The following VWA3B variants were observed in gnomAD, a reference collection of about 807,000 sequenced individuals.
The protein encoded by VWA3B is von Willebrand factor A domain containing 3B, also known as von Willebrand factor A domain-containing protein 3B.
In VWA3B, 138 loss-of-function variants were observed where a neutral mutation model predicts 158.3. That is an observed-to-expected ratio of 0.87 (90% CI 0.76 to 1.00). The LOEUF (loss-of-function observed/expected upper bound fraction) is 1.00. Ranked by LOEUF, VWA3B falls within the 50% of genes least tolerant of loss-of-function variation. The probability of loss-of-function intolerance (pLI) is 0.00; values close to 1 mark genes in which losing one functional copy is unlikely to be tolerated. For missense variants in VWA3B, 1,555 were observed against 1,565.1 expected, an observed-to-expected ratio of 0.99 and a Z score of 0.11; for synonymous variants, 596 against 587.3, an observed-to-expected ratio of 1.01 and a Z score of -0.21.
chr2:98,294,399 C>G (rs1228157964), intron 23 of VWA3B, among the ~76,000 whole-genome samples: 1 of 152,190 alleles, frequency 6.6e-6, no homozygotes, highest in Non-Finnish European at 1.5e-5. Flanking sequence ...GCGTCCACTA[C>G]ATGAGGCCAG....
chr2:98,187,937 A>G, intron 9 of VWA3B, 38 bp from the exon 10 acceptor site: 1 of 1,543,152 alleles, frequency 6.5e-7, no homozygotes, highest in Non-Finnish European at 8.7e-7. Context: ...CTCTTTGGAC[A>G]GTTTCTGAGT....
chr2:98,254,509 A>G (rs1169995772), intron 20 of VWA3B, among the ~76,000 whole-genome samples: 1 of 152,224 alleles, frequency 6.6e-6, no homozygotes, highest in Non-Finnish European at 1.5e-5. Context: ...ATGATTCAAG[A>G]AAGCCAATTT....
chr2:98,281,213 T>C (rs1051585748), intron 22 of VWA3B, among the ~76,000 whole-genome samples: 5 of 151,918 alleles, frequency 3.3e-5, no homozygotes, highest in Admixed American at 3.3e-4. Context: ...GGGGAGAGAG[T>C]GAGTTCCCAA....
chr2:98,196,258 G>C (rs913309999), intron 12 of VWA3B, among the ~76,000 whole-genome samples: 2 of 152,110 alleles, frequency 1.3e-5, no homozygotes, highest in African/African-American at 2.4e-5. Context: ...ATTGTCAAGA[G>C]AGTAAATTTT....
chr2:98,193,032 T>C lies in VWA3B; in HGVS notation c.1601T>C (p.Ile534Thr), dbSNP rs1558658035. ...GTGAAGGACAAGATCATTCAGTTCA[T>C]ACAGGTTAGATGGAACTGTCGGTTC... ...DLVKDKIIQF[I>T]QEQLKYKSKF... Residue 534 changes from isoleucine (I) to threonine (T), a missense_variant, in exon 11 of 28, where the codon ATA becomes ACA. By Grantham distance (89) the Ile-to-Thr change is moderately conservative. Coordinates refer to ENST00000477737, the MANE Select transcript of VWA3B (RefSeq NM_144992.5). The C allele has an allele frequency of 2.5e-6, 4 of 1,612,176 alleles. No homozygotes were observed. Among genetic ancestry groups the C allele is most frequent in the Non-Finnish European group, 3.4e-6 (4 of 1,178,968 alleles).
At chr2:98,134,180 G>A (rs1429640767) in intron 7 of VWA3B, among the ~76,000 whole-genome samples, 1 of 152,238 alleles carries the variant, frequency 6.6e-6, no homozygotes, top group African/African-American at 2.4e-5. Flanking sequence ...TTGAGAACCT[G>A]CTGGAGATGT....
chr2:98,232,117 C>T (rs899321263), intron 16 of VWA3B, among the ~76,000 whole-genome samples: 22 of 152,062 alleles, frequency 1.4e-4, no homozygotes, highest in Admixed American at 8.5e-4. Context: ...CCATTTCGGC[C>T]TAGGGATTTC....
chr2:98,304,745 C>G (rs1178174254), intron 26 of VWA3B, among the ~76,000 whole-genome samples: 3 of 152,140 alleles, frequency 2.0e-5, no homozygotes, highest in African/African-American at 7.2e-5. Context: ...ATTCTTCTCA[C>G]CTCTCTCCTT....
chr2:98,106,467 G>T (rs1162211686), intron 2 of VWA3B, among the ~76,000 whole-genome samples: 1 of 152,116 alleles, frequency 6.6e-6, no homozygotes, highest in Non-Finnish European at 1.5e-5. Context: ...AATTAAAGGA[G>T]AATTGACATC....
intron 7 of VWA3B, 151 bp from the exon 8 acceptor site, chr2:98,162,700 T>C (rs913925619): frequency 3.5e-5 from 39 of 1,121,630 alleles, no homozygotes; most frequent in Non-Finnish European, 4.4e-5. Flanking sequence ...ATTTCAGTTC[T>C]GATTCTCAGA....
At chr2:98,272,618 G>A (rs1164485357) in intron 22 of VWA3B, among the ~76,000 whole-genome samples, 2 of 152,078 alleles carry the variant, frequency 1.3e-5, no homozygotes, top group Admixed American at 6.5e-5. Context: ...TGGTCTTTCC[G>A]GTGACCAGCC....
At chr2:98,306,940 C>T (rs1053456709) in intron 26 of VWA3B, among the ~76,000 whole-genome samples, 1 of 152,182 alleles carries the variant, frequency 6.6e-6, no homozygotes, top group African/African-American at 2.4e-5. Context: ...ATTCAACCTA[C>T]TAAGTTCAGA....
At chr2:98,233,979 G>A (rs1458113310) in intron 16 of VWA3B, among the ~76,000 whole-genome samples, 1 of 152,206 alleles carries the variant, frequency 6.6e-6, no homozygotes, top group Non-Finnish European at 1.5e-5. Context: ...TATTTGCTAA[G>A]TTGTCATTTG....
At position 98,230,092 on chromosome 2, in the gene VWA3B, G is replaced by C. The variant is rs747345882; in HGVS notation, c.2193G>C (p.Lys731Asn). The change falls in exon 16 of 28, where the codon AAG (lysine) becomes AAC (asparagine). Residue 731 changes from lysine (K) to asparagine (N), a missense_variant. Transcript: ENST00000477737. ...GTTCTATGATTTCAACCCCAGAAAA[G>C]TGTGCAAAGCCTCAATCTGATGTCG... Reference protein sequence around the residue: ...EICSMISTPEKCAKPQSDVDS... With the variant: ...EICSMISTPENCAKPQSDVDS... 1.2e-6 allele frequency: 2 copies of C among 1,607,042 alleles called. No individual in the cohort carries two copies. Among genetic ancestry groups the C allele is most frequent in the Admixed American group, 3.5e-5 (2 of 57,844 alleles).
In VWA3B at chr2:98,292,869, C is replaced by G. The variant is rs201226942; in HGVS notation, c.3157+2247C>G. On this transcript the variant is annotated intron_variant, in intron 23 of 27. Transcript: ENST00000477737. ...ATCCCAGCTACTCGGGAGGCTGAGGCAGGAGAATCGCTTGAACCCAGAAGA... is the reference window on the plus strand; with the variant it reads ...ATCCCAGCTACTCGGGAGGCTGAGGGAGGAGAATCGCTTGAACCCAGAAGA... Among the ~76,000 whole-genome samples, 59 of 151,954 alleles carry G rather than the reference C, an allele frequency of 3.9e-4. 1 individual carries two copies. In the East Asian group the frequency reaches 0.011, roughly 29 times the overall value.
intron 1 of VWA3B, among the ~76,000 whole-genome samples, chr2:98,092,860 A>ATATATATATATATATATG (rs1553633936): frequency 8.4e-6 from 1 of 118,518 alleles, no homozygotes; most frequent in Non-Finnish European, 1.8e-5. Context: ...ATATATATAT[A>ATATATATATATATATATG]GTTGAATATT....
chr2:98,128,650 C>T (rs1247660533), intron 6 of VWA3B, among the ~76,000 whole-genome samples: 1 of 152,186 alleles, frequency 6.6e-6, no homozygotes, highest in Non-Finnish European at 1.5e-5. Context: ...GACCCTGTCC[C>T]TCCCAGGGCT....
chr2:98,324,067 A>G, the VWA3B span, among the ~76,000 whole-genome samples: 7 of 152,230 alleles, frequency 4.6e-5, no homozygotes, highest in Admixed American at 1.3e-4. Flanking sequence ...AGTTTGGGAA[A>G]ACTACAGCTC....
At chr2:98,288,777 C>T (rs1689315991) in intron 22 of VWA3B, among the ~76,000 whole-genome samples, 1 of 152,160 alleles carries the variant, frequency 6.6e-6, no homozygotes, top group Non-Finnish European at 1.5e-5. Context: ...GCATTTGTAA[C>T]ATTTTATTTA....
Sources: gnomAD v4.1 joint callset for allele counts (sites outside exome capture counted in the v4.1 genomes callset) on GRCh38, gnomAD v4.1.1 for gene constraint, MANE v1.5 for transcripts, NCBI Gene and HGNC (gene_info 2026-07-23, HGNC 2026-07-21) for gene names.